SGO2: variants seen among roughly 807,000 people sequenced by gnomAD.
The protein encoded by SGO2 is shugoshin 2.
In SGO2, 68 loss-of-function variants were observed where a neutral mutation model predicts 99.5. That is an observed-to-expected ratio of 0.68 (90% CI 0.56 to 0.84). SGO2 has a LOEUF of 0.84. Ranked by LOEUF, SGO2 falls within the 40% of genes least tolerant of loss-of-function variation. The pLI is 0.00. For synonymous variants in SGO2, 457 were observed against 487.1 expected (o/e 0.94, Z 0.81); for missense variants, 1,350 against 1,436.7 (o/e 0.94, Z 0.97).
chr2:200,583,547 G>T lies in SGO2; in HGVS notation c.*83G>T. ...AAATATAGTATCAAGAAGATGAAAT[G>T]CTTAATGAAAAGGTTTTTTTTTTGT... On this transcript the variant is annotated 3_prime_UTR_variant, in exon 9 of 9. Transcript: ENST00000357799. 7.7e-7 allele frequency: 1 copy of T among 1,305,084 alleles called. No homozygotes were observed. 80.8% of individuals were successfully genotyped at this position (1,305,084 alleles called of 1,614,324 possible). A position where few individuals can be genotyped will look rare whatever the true frequency, so the allele number is the denominator to read the frequency against.
intron 5 of SGO2, among the ~76,000 whole-genome samples, chr2:200,557,081 A>C (rs1475444230): frequency 6.6e-6 from 1 of 152,200 alleles, no homozygotes; most frequent in Non-Finnish European, 1.5e-5. Flanking sequence ...GTATGTGCCT[A>C]ATCCTGTCAC....
At chr2:200,533,318 T>A in intron 2 of SGO2, 1 of 398,016 alleles carries the variant, frequency 2.5e-6, no homozygotes, top group South Asian at 3.4e-5. Flanking sequence ...CACAGTTGAA[T>A]TTTCAGCAGT....
intron 5 of SGO2, among the ~76,000 whole-genome samples, chr2:200,557,456 T>G (rs2032765192): frequency 6.6e-6 from 1 of 152,114 alleles, no homozygotes; most frequent in African/African-American, 2.4e-5. Flanking sequence ...GTATCATCCC[T>G]TCATGGTTTG....
intron 5 of SGO2, among the ~76,000 whole-genome samples, chr2:200,560,458 T>C (rs1199355763): frequency 2.0e-5 from 3 of 152,110 alleles, no homozygotes; most frequent in Non-Finnish European, 4.4e-5. Context: ...AAGTTCCCTT[T>C]TTTCTGGTTT....
At position 200,573,179 on chromosome 2, in the gene SGO2, G is replaced by A. The variant is rs868223875; in HGVS notation, c.2833G>A (p.Val945Ile). The stretch of plus-strand genomic sequence containing the variant: ...CTATACAAAAGATCTTGATTTTAAA[G>A]TAAATAAATCTAAACAAAAACTTGA... Reference protein sequence around the residue: ...ESYTKDLDFKVNKSKQKLECQ... With the variant: ...ESYTKDLDFKINKSKQKLECQ... The change falls in exon 7 of 9, where the codon GTA (valine) becomes ATA (isoleucine). Residue 945 changes from valine (V) to isoleucine (I), a missense_variant. Coordinates refer to ENST00000357799, the MANE Select transcript of SGO2 (RefSeq NM_152524.6). The A allele has an allele frequency of 8.2e-6, 13 of 1,582,672 alleles. No individual in the cohort carries two copies. The South Asian group carries it at 1.6e-4, about 19-fold the overall frequency.
At chr2:200,540,569 G>C (rs972119850) in intron 4 of SGO2, among the ~76,000 whole-genome samples, 1 of 152,200 alleles carries the variant, frequency 6.6e-6, no homozygotes, top group Non-Finnish European at 1.5e-5. Flanking sequence ...GATAATGAAG[G>C]GGGGAGGTTG....
At chr2:200,583,387 G>T in intron 8 of SGO2, 62 bp from the exon 9 acceptor site, 1 of 1,439,116 alleles carries the variant, frequency 6.9e-7, no homozygotes, top group Non-Finnish European at 9.5e-7. Context: ...TCTTCTCCAT[G>T]CTTCACAGCA....
intron 5 of SGO2, among the ~76,000 whole-genome samples, chr2:200,553,786 G>A (rs2032593204): frequency 6.6e-6 from 1 of 152,124 alleles, no homozygotes; most frequent in African/African-American, 2.4e-5. Flanking sequence ...CCATGGGTTT[G>A]TACCCTCCGA....
At chr2:200,582,186 AT>A (rs1233506382) in intron 8 of SGO2, among the ~76,000 whole-genome samples, 3 of 152,194 alleles carry the variant, frequency 2.0e-5, no homozygotes, top group Non-Finnish European at 4.4e-5. Flanking sequence ...ACTAATGACT[AT>A]TAGCCAACCA....
chr2:200,558,415 T>C (rs2032808068), intron 5 of SGO2, among the ~76,000 whole-genome samples: 1 of 152,102 alleles, frequency 6.6e-6, no homozygotes, highest in Admixed American at 6.5e-5. Context: ...TTTCTATTAA[T>C]GTTATGAATT....
chr2:200,564,458 G>A (rs1295763989), intron 5 of SGO2, among the ~76,000 whole-genome samples: 1 of 152,190 alleles, frequency 6.6e-6, no homozygotes, highest in Non-Finnish European at 1.5e-5. Flanking sequence ...TTTTACATTT[G>A]CTGAGGAGTG....
intron 8 of SGO2, among the ~76,000 whole-genome samples, chr2:200,578,675 A>C (rs7607141): frequency 0.012 from 1,858 of 152,286 alleles, 45 homozygotes; most frequent in African/African-American, 0.042. Flanking sequence ...GAATCTCTAG[A>C]GCAAGTCCTG....
At chr2:200,535,225 G>A in intron 3 of SGO2, 54 bp downstream of exon 3, 2 of 1,346,518 alleles carry the variant, frequency 1.5e-6, no homozygotes, top group Non-Finnish European at 2.0e-6. Context: ...TCTTTTAGCT[G>A]CATTATTATA....
In SGO2 at chr2:200,542,644, G is replaced by T; in HGVS notation, c.453G>T (p.Leu151Phe). 6.2e-7 allele frequency: 1 copy of T among 1,612,816 alleles called. No homozygotes were observed. The highest frequency in any genetic ancestry group is 1.7e-5 in the Admixed American group (1 of 59,962). ...KKKRISKQCK[L>F]MRLPFARVPL... Reference sequence around the variant, plus strand: ...AACGAATTAGTAAACAGTGCAAGTTGATGCGTCTTCCATTTGCAAGGTAAA... The same window carrying T: ...AACGAATTAGTAAACAGTGCAAGTTTATGCGTCTTCCATTTGCAAGGTAAA... Residue 151 changes from leucine (L) to phenylalanine (F), a missense_variant, in exon 5 of 9, where the codon TTG (leucine) becomes TTT (phenylalanine). By Grantham distance (22) the Leu-to-Phe change is conservative (BLOSUM62 0). Coordinates refer to ENST00000357799, the MANE Select transcript of SGO2 (RefSeq NM_152524.6).
At chr2:200,561,166 G>A (rs2032941376) in intron 5 of SGO2, among the ~76,000 whole-genome samples, 1 of 152,032 alleles carries the variant, frequency 6.6e-6, no homozygotes, top group Admixed American at 6.6e-5. Flanking sequence ...TTTACATTAG[G>A]TATGTTTCCT....
intron 5 of SGO2, among the ~76,000 whole-genome samples, chr2:200,549,225 T>C (rs2032363021): frequency 1.3e-5 from 2 of 152,038 alleles, no homozygotes; most frequent in Non-Finnish European, 2.9e-5. Flanking sequence ...GAGGCTGCAG[T>C]GAGCAGTGTT....
rs2033348578 is a variant in SGO2, at chr2:200,570,264, A to T, written c.703+372A>T. The T allele has an allele frequency of 4.7e-6, 1 of 214,576 alleles. No homozygotes were observed. The highest frequency in any genetic ancestry group is 1.8e-4 in the South Asian group (1 of 5,440). The allele number at this position is 214,576 out of a possible 1,614,324, so 13.3% of individuals were successfully genotyped here. On this transcript the variant is annotated intron_variant, in intron 6 of 8. Coordinates refer to ENST00000357799, the MANE Select transcript of SGO2 (RefSeq NM_152524.6). This position sits in a 1 kb window ranked among gnomAD's most constrained non-coding sequence, Gnocchi z 4.4. ...TAGGTATAGAGACTCTTTGAAGATC[A>T]TCACCAGTTAATTAATGGTAAAGCA... is the stretch of plus-strand genomic sequence containing the variant.
intron 1 of SGO2, among the ~76,000 whole-genome samples, chr2:200,532,076 G>A (rs1046000134): frequency 2.6e-5 from 4 of 152,122 alleles, no homozygotes; most frequent in African/African-American, 9.7e-5. Context: ...AGGACCAGAT[G>A]AGGAATGTGT....
At chr2:200,581,350 A>T (rs2033839123) in intron 8 of SGO2, among the ~76,000 whole-genome samples, 1 of 152,086 alleles carries the variant, frequency 6.6e-6, no homozygotes, top group Non-Finnish European at 1.5e-5. Flanking sequence ...GTTTCCATGT[A>T]TCTCCTGTAG....
Sources: gnomAD v4.1 joint callset for allele counts (sites outside exome capture counted in the v4.1 genomes callset) on GRCh38, gnomAD v4.1.1 for gene constraint, Gnocchi (gnomAD v3.1) non-coding constraint, MANE v1.5 for transcripts, NCBI Gene and HGNC (gene_info 2026-07-23, HGNC 2026-07-21) for gene names.